Variants in BBS9 observed in about 807,000 individuals in gnomAD.
The protein encoded by BBS9 is Bardet-Biedl syndrome 9.
A neutral mutation model predicts 117.7 loss-of-function variants in BBS9; 89 were observed. That is an observed-to-expected ratio of 0.76 (90% CI 0.64 to 0.90). BBS9 has a LOEUF of 0.90. Among genes scored for constraint, BBS9 ranks in the 40% least tolerant of loss-of-function variants. BBS9 has a pLI of 0.00. For missense variants in BBS9, 982 were observed against 1,042.2 expected, an observed-to-expected ratio of 0.94 and a Z score of 0.80; for synonymous variants, 379 against 370.9, an observed-to-expected ratio of 1.02 and a Z score of -0.25.
At chr7:33,553,286 A>G (rs1028291998) in intron 21 of BBS9, among the ~76,000 whole-genome samples, 21 of 152,186 alleles carry the variant, frequency 1.4e-4, no homozygotes, top group African/African-American at 4.1e-4. Context: ...TCTAAGTTTC[A>G]TGAAGAGCTG....
intron 19 of BBS9, among the ~76,000 whole-genome samples, chr7:33,439,930 G>A (rs750589948): frequency 3.9e-5 from 6 of 152,320 alleles, no homozygotes; most frequent in Non-Finnish European, 2.9e-5. Flanking sequence ...CTGTGAGGTA[G>A]GCAAGGCAAG....
chr7:33,517,175 A>G (rs1335083108), intron 20 of BBS9, among the ~76,000 whole-genome samples: 1 of 152,258 alleles, frequency 6.6e-6, no homozygotes. Flanking sequence ...AAGATATGCC[A>G]AAGGAATATA....
At chr7:33,620,241 A>G (rs1056502716) in intron 21 of BBS9, among the ~76,000 whole-genome samples, 2 of 152,064 alleles carry the variant, frequency 1.3e-5, no homozygotes, top group Non-Finnish European at 2.9e-5. Flanking sequence ...GAAATGTACA[A>G]AGTCCTAGAA....
At chr7:33,346,589 C>G (rs2128653247) in intron 12 of BBS9, among the ~76,000 whole-genome samples, 1 of 152,134 alleles carries the variant, frequency 6.6e-6, no homozygotes, top group Non-Finnish European at 1.5e-5. Context: ...TCTTTTTTGG[C>G]TCAAACACAA....
At chr7:33,255,632 A>G (rs905743252) in intron 5 of BBS9, among the ~76,000 whole-genome samples, 3 of 152,196 alleles carry the variant, frequency 2.0e-5, no homozygotes, top group Non-Finnish European at 2.9e-5. Context: ...CATGATTTTT[A>G]TTACAAAGAC....
intron 5 of BBS9, among the ~76,000 whole-genome samples, chr7:33,238,410 C>A (rs1485118022): frequency 6.6e-6 from 1 of 152,132 alleles, no homozygotes; most frequent in Non-Finnish European, 1.5e-5. Context: ...CCTGCCTCAG[C>A]CTCCTGAGTA....
intron 9 of BBS9, among the ~76,000 whole-genome samples, chr7:33,296,024 A>G (rs565744530): frequency 2.0e-3 from 311 of 152,266 alleles, no homozygotes; most frequent in Non-Finnish European, 3.4e-3. Context: ...TCATTTTTCA[A>G]TGGCCTATTA....
intron 19 of BBS9, among the ~76,000 whole-genome samples, chr7:33,407,763 G>A (rs958120630): frequency 3.3e-5 from 5 of 152,162 alleles, no homozygotes; most frequent in Non-Finnish European, 4.4e-5. Context: ...TTTGTGATCC[G>A]CCAATGCTGC....
intron 19 of BBS9, among the ~76,000 whole-genome samples, chr7:33,390,874 A>G (rs1464311802): frequency 1.3e-5 from 2 of 152,162 alleles, no homozygotes; most frequent in Non-Finnish European, 2.9e-5. Context: ...AGAGTATCAT[A>G]TGATATGTAT....
intron 19 of BBS9, among the ~76,000 whole-genome samples, chr7:33,450,363 G>GT (rs1483824670): frequency 6.6e-6 from 1 of 152,172 alleles, no homozygotes; most frequent in Non-Finnish European, 1.5e-5. Flanking sequence ...TTGAGATCTT[G>GT]TTTTTGATTC....
At chr7:33,517,777 A>G (rs75614839) in intron 20 of BBS9, among the ~76,000 whole-genome samples, 3,294 of 152,324 alleles carry the variant, frequency 0.022, 49 homozygotes, top group East Asian at 0.055. Flanking sequence ...CCTAACAAAA[A>G]TGAACAGTCT....
chr7:33,205,214 G>T (rs1786674907), intron 5 of BBS9, among the ~76,000 whole-genome samples: 1 of 152,134 alleles, frequency 6.6e-6, no homozygotes, highest in African/African-American at 2.4e-5. Flanking sequence ...TTCAAATTTA[G>T]TAGAACCATG....
Position 33,528,507 on chromosome 7 carries a change from G to GA in BBS9, c.2299-5440dup, listed in dbSNP as rs80003972. Among the ~76,000 whole-genome samples, 440 of 151,818 alleles carry GA rather than the reference G, an allele frequency of 2.9e-3. 2 individuals carry two copies. In the East Asian group the frequency reaches 0.034, roughly 12 times the overall value. On this transcript the variant is annotated intron_variant, in intron 20 of 22. Coordinates refer to ENST00000242067, the MANE Select transcript of BBS9 (RefSeq NM_198428.3). The stretch of plus-strand genomic sequence containing the variant: ...GTTTGTAGGAGTTTATAATTTGTTT[G>GA]AAAAAAAGTTTAAGGATATTACTTG...
At chr7:33,399,722 T>C (rs1455004593) in intron 19 of BBS9, among the ~76,000 whole-genome samples, 1 of 152,202 alleles carries the variant, frequency 6.6e-6, no homozygotes, top group Non-Finnish European at 1.5e-5. Context: ...GGTGAGGTTG[T>C]TGCCCAGTCA....
At position 33,295,563 on chromosome 7, in the gene BBS9, A is replaced by G. The variant is rs148203325; in HGVS notation, c.1016+21607A>G. On this transcript the variant is annotated intron_variant, in intron 9 of 22. Coordinates refer to ENST00000242067, the MANE Select transcript of BBS9 (RefSeq NM_198428.3). Reference sequence around the variant, plus strand: ...GCATGTAAGTTAAAAAAAATAGTCTATTATTATTTTAGTTTGTGGAATTCA... The same window carrying G: ...GCATGTAAGTTAAAAAAAATAGTCTGTTATTATTTTAGTTTGTGGAATTCA... Among the ~76,000 whole-genome samples, 5 of 152,066 alleles carry G rather than the reference A, an allele frequency of 3.3e-5. No individual in the cohort carries two copies. The East Asian group carries it at 9.6e-4, about 29-fold the overall frequency.
At chr7:33,292,953 C>G (rs573580643) in intron 9 of BBS9, among the ~76,000 whole-genome samples, 1 of 150,666 alleles carries the variant, frequency 6.6e-6, no homozygotes, top group East Asian at 2.0e-4. Flanking sequence ...TTGCAGTCAG[C>G]TGAGATCATG....
At chr7:33,495,274 T>C (rs1844553970) in intron 19 of BBS9, among the ~76,000 whole-genome samples, 1 of 152,176 alleles carries the variant, frequency 6.6e-6, no homozygotes, top group South Asian at 2.1e-4. Flanking sequence ...CGTGTAATAA[T>C]GTGTCTTAGC....
intron 19 of BBS9, chr7:33,390,380 A>C: frequency 1.0e-6 from 1 of 985,394 alleles, no homozygotes; most frequent in Non-Finnish European, 1.2e-6. Flanking sequence ...CTCAAGGTTG[A>C]GGTTTTCCAT....
At chr7:33,536,676 G>GCCCCCC (rs1196394836) in intron 21 of BBS9, among the ~76,000 whole-genome samples, 3 of 30,814 alleles carry the variant, frequency 9.7e-5, no homozygotes, top group South Asian at 1.4e-3. Flanking sequence ...TCTGTGATTC[G>GCCCCCC]GCCTTCCCCC....
Sources: gnomAD v4.1 joint callset for allele counts (sites outside exome capture counted in the v4.1 genomes callset) on GRCh38, gnomAD v4.1.1 for gene constraint, MANE v1.5 for transcripts, NCBI Gene and HGNC (gene_info 2026-07-23, HGNC 2026-07-21) for gene names.